Variants in ITGAL observed in about 807,000 individuals in gnomAD.
ITGAL encodes integrin subunit alpha L.
A neutral mutation model predicts 138.4 loss-of-function variants in ITGAL; 68 were observed. That is an observed-to-expected ratio of 0.49 (90% confidence interval 0.40 to 0.60). The LOEUF is 0.60. Among genes scored for constraint, ITGAL ranks in the 20% least tolerant of loss-of-function variants. The pLI, the probability that ITGAL is intolerant of heterozygous loss-of-function variation, is 0.00. For missense variants in ITGAL, 1,256 were observed against 1,478.6 expected (o/e 0.85, Z 2.47); for synonymous variants, 561 against 584.3 (o/e 0.96, Z 0.57).
In ITGAL at chr16:30,494,137, C is replaced by A; in HGVS notation, c.1214-75C>A. 7.2e-7 allele frequency: 1 copy of A among 1,392,346 alleles called. No homozygotes were observed. The highest frequency in any genetic ancestry group is 2.3e-5 in the East Asian group (1 of 42,636). 86.2% of individuals were successfully genotyped at this position (1,392,346 alleles called of 1,614,324 possible). On this transcript the variant is annotated intron_variant, in intron 11 of 30. Transcript: ENST00000356798. This position sits in a 1 kb window ranked among gnomAD's most constrained non-coding sequence, Gnocchi z 4.2. The stretch of plus-strand genomic sequence containing the variant: ...CTGCTACTAACCCAATTCCCTGGGG[C>A]CCCTGCCCCTCTCCTGCTGGGTGTT...
intron 15 of ITGAL, among the ~76,000 whole-genome samples, chr16:30,497,398 T>C (rs1018199236): frequency 6.6e-6 from 1 of 151,330 alleles, no homozygotes; most frequent in Admixed American, 6.6e-5. Context: ...TCCCAGCACT[T>C]TGAGAGGCTG....
At position 30,499,022 on chromosome 16, in the gene ITGAL, G is replaced by A. The variant is rs1054399465; in HGVS notation, c.1833-52G>A. 6.3e-6 allele frequency: 10 copies of A among 1,575,094 alleles called. No individual in the cohort carries two copies. The African/African-American group carries it at 1.2e-4, about 19-fold the overall frequency. On this transcript the variant is annotated intron_variant, in intron 15 of 30. Coordinates refer to ENST00000356798, the MANE Select transcript of ITGAL (RefSeq NM_002209.3). Reference sequence around the variant, plus strand: ...CTGGCGGGAGCCCCACATCTGAGGGGGGACGTGCAGTTGGGTTGGAGGGAG... The same window carrying A: ...CTGGCGGGAGCCCCACATCTGAGGGAGGACGTGCAGTTGGGTTGGAGGGAG...
At chr16:30,497,248 CAGG>C (rs575029530) in intron 15 of ITGAL, among the ~76,000 whole-genome samples, 32 of 151,444 alleles carry the variant, frequency 2.1e-4, no homozygotes, top group Middle Eastern at 6.8e-3. Context: ...GAGGCTGAGG[CAGG>C]AGAATGGCGT....
At position 30,521,890 on chromosome 16, in the gene ITGAL, T is replaced by A; in HGVS notation, c.*225T>A. The A allele has an allele frequency of 1.9e-6, 1 of 517,912 alleles. No individual in the cohort carries two copies. The highest frequency in any genetic ancestry group is 2.7e-5 in the South Asian group (1 of 37,476). The allele number at this position is 517,912 out of a possible 1,614,324, so 32.1% of individuals were successfully genotyped here. A position where few individuals can be genotyped will look rare whatever the true frequency, so the allele number is the denominator to read the frequency against. ...CCAAGAGGGCTGCAAAAGTGAGGGC[T>A]TGTCATTACCAGACGGTTCACCAGC... On this transcript the variant is annotated 3_prime_UTR_variant, in exon 31 of 31. Transcript: ENST00000356798.
Position 30,494,867 on chromosome 16 carries a change from G to C in ITGAL, c.1503+17G>C, listed in dbSNP as rs2050778082. On this transcript the variant is annotated intron_variant, in intron 13 of 30. Transcript: ENST00000356798. The surrounding 1 kb of genome is among the most constrained non-coding windows in gnomAD (Gnocchi z 4.2). Reference sequence around the variant, plus strand: ...AGAAGACAGGTGGGGCCAGGATCTGGAGCTGAGAGGGAGGAGGGAGAGCAG... The same window carrying C: ...AGAAGACAGGTGGGGCCAGGATCTGCAGCTGAGAGGGAGGAGGGAGAGCAG... The C allele has an allele frequency of 6.3e-7, 1 of 1,577,076 alleles. No individual in the cohort carries two copies.
intron 21 of ITGAL, among the ~76,000 whole-genome samples, chr16:30,508,027 G>T (rs12929243): frequency 0.17 from 25,442 of 151,250 alleles, 2,720 homozygotes; most frequent in South Asian, 0.63. Flanking sequence ...TCCTGCCTCA[G>T]CCTCCCGAGT....
At chr16:30,502,408 A>C (rs1287958734) in intron 17 of ITGAL, among the ~76,000 whole-genome samples, 1 of 94,960 alleles carries the variant, frequency 1.1e-5, no homozygotes, top group Non-Finnish European at 1.9e-5. Context: ...AAAAAAAAAA[A>C]AAAAAAAAAA....
intron 24 of ITGAL, 53 bp downstream of exon 24, chr16:30,511,189 A>C: frequency 7.1e-7 from 1 of 1,405,628 alleles, no homozygotes; most frequent in South Asian, 1.2e-5. Context: ...CAGCCTCCCA[A>C]CCCAGGGCCC....
chr16:30,520,391 T>C (rs560654881), intron 30 of ITGAL, among the ~76,000 whole-genome samples: 19 of 152,248 alleles, frequency 1.2e-4, no homozygotes, highest in South Asian at 4.1e-4. Context: ...GCCATGATGA[T>C]GCCACTGCGC....
chr16:30,483,694 G>T, intron 7 of ITGAL, 133 bp from the exon 8 acceptor site: 1 of 958,740 alleles, frequency 1.0e-6, no homozygotes, highest in Non-Finnish European at 1.5e-6. Flanking sequence ...CTGCAGGCTT[G>T]GAATCCCGGC....
At chr16:30,502,396 CAAAAAAAAAAAAAA>C (rs57501055) in intron 17 of ITGAL, among the ~76,000 whole-genome samples, 1 of 80,118 alleles carries the variant, frequency 1.2e-5, no homozygotes, top group African/African-American at 3.6e-5. Flanking sequence ...GACTCCATCT[CAAAAAAAAAAAAAA>C]AAAAAAAAAA....
chr16:30,485,276 G>GAGTGCAGTGGCGCAGTCTCGGCTCACTGC (rs2050627964), intron 9 of ITGAL, among the ~76,000 whole-genome samples: 1 of 144,838 alleles, frequency 6.9e-6, no homozygotes, highest in African/African-American at 2.6e-5. Flanking sequence ...GCCCAGGCTG[G>GAGTGCAGTGGCGCAGTCTCGGCTCACTGC]AGTGCAGTGG....
chr16:30,484,842 C>G (rs956700157), intron 9 of ITGAL, among the ~76,000 whole-genome samples: 2 of 151,800 alleles, frequency 1.3e-5, no homozygotes, highest in East Asian at 3.9e-4. Context: ...TCGCTTGAAC[C>G]CAGGAGGCGG....
In ITGAL at chr16:30,521,430, A is replaced by G. The variant is rs193049835; in HGVS notation, c.3340-62A>G. 2,489 of 1,496,056 alleles carry G rather than the reference A, an allele frequency of 1.7e-3. 3 individuals are homozygous for G. The highest frequency in any genetic ancestry group is 2.1e-3 in the Non-Finnish European group (2,348 of 1,097,456). The allele number at this position is 1,496,056 out of a possible 1,614,324, so 92.7% of individuals were successfully genotyped here. On this transcript the variant is annotated intron_variant, in intron 30 of 30. Transcript: ENST00000356798. ...TCAAAAAAAAAAAAAGTGTTCTCAC[A>G]TTTTCTTGGGGCCAAAGTGCTCAGT...
At chr16:30,478,278 G>A (rs539405212) in intron 4 of ITGAL, among the ~76,000 whole-genome samples, 2 of 150,550 alleles carry the variant, frequency 1.3e-5, no homozygotes, top group East Asian at 2.0e-4. Flanking sequence ...AGGTTGCAGT[G>A]AGCCAAGATC....
Position 30,510,352 on chromosome 16 carries a change from C to T in ITGAL, c.2509-9C>T. On this transcript the variant is annotated splice_polypyrimidine_tract_variant and intron_variant, in intron 21 of 30. Coordinates refer to ENST00000356798, the MANE Select transcript of ITGAL (RefSeq NM_002209.3). The stretch of plus-strand genomic sequence containing the variant: ...CATTAACAAACTTGTTTCCTCCTTT[C>T]ACTCCCAGCCCCATAGCCAGATACC... 1.3e-6 allele frequency: 2 copies of T among 1,561,682 alleles called. No homozygotes were observed. Among genetic ancestry groups the T allele is most frequent in the East Asian group, 2.2e-5 (1 of 44,598 alleles).
In ITGAL at chr16:30,499,465, C is replaced by T. The variant is rs778124104; in HGVS notation, c.2121C>T (p.Cys707=). 6.2e-7 allele frequency: 1 copy of T among 1,613,682 alleles called. No individual in the cohort carries two copies. The highest frequency in any genetic ancestry group is 8.5e-7 in the Non-Finnish European group (1 of 1,180,002). The change falls in exon 17 of 31, where the codon TGC becomes TGT. Residue 707 remains cysteine, a synonymous_variant. Transcript: ENST00000356798. ...RNIAVTTSMS[C]TDFSFHFPVC... is the part of the protein sequence containing the mutation. ...TAGCTGTCACCACCAGCATGTCATG[C>T]ACTGACTTCTCATTTCATTTCCCGG...
chr16:30,494,903 C>T lies in ITGAL; in HGVS notation c.1503+53C>T. 2.0e-6 allele frequency: 3 copies of T among 1,525,862 alleles called. No homozygotes were observed. The highest frequency in any genetic ancestry group is 4.2e-5 in the Admixed American group (2 of 47,950). The allele number at this position is 1,525,862 out of a possible 1,614,324, so 94.5% of individuals were successfully genotyped here. A position where few individuals can be genotyped will look rare whatever the true frequency, so the allele number is the denominator to read the frequency against. ...GAGGAGGGAGAGCAGCAGAGATTCG[C>T]AGCTCCCAGTTATTCTGAAGGCTTT... On this transcript the variant is annotated intron_variant, in intron 13 of 30. Coordinates refer to ENST00000356798, the MANE Select transcript of ITGAL (RefSeq NM_002209.3). This position sits in a 1 kb window ranked among gnomAD's most constrained non-coding sequence, Gnocchi z 4.2.
chr16:30,478,880 C>T (rs979096128), intron 4 of ITGAL, among the ~76,000 whole-genome samples: 1 of 151,904 alleles, frequency 6.6e-6, no homozygotes, highest in Non-Finnish European at 1.5e-5. Flanking sequence ...GTCCTACAGG[C>T]GGTGAGCATC....
Sources: gnomAD v4.1 joint callset for allele counts (sites outside exome capture counted in the v4.1 genomes callset) on GRCh38, gnomAD v4.1.1 for gene constraint, Gnocchi (gnomAD v3.1) non-coding constraint, MANE v1.5 for transcripts, NCBI Gene and HGNC (gene_info 2026-07-23, HGNC 2026-07-21) for gene names.